Variants in FAM151B observed in about 807,000 individuals in gnomAD.
The protein encoded by FAM151B is protein FAM151B.
FAM151B carries 24 observed loss-of-function variants against 31.2 expected under a neutral mutation model. The observed-to-expected ratio is 0.77, with a 90% CI of 0.56 to 1.08. FAM151B has a LOEUF of 1.08. FAM151B is among the 50% of genes least tolerant of loss of function. FAM151B has a pLI of 0.00. For missense variants in FAM151B, 293 were observed against 328.6 expected (o/e 0.89, Z 0.84); for synonymous variants, 105 against 111.4 (o/e 0.94, Z 0.36).
chr5:80,522,214 T>C (rs1270304093), intron 5 of FAM151B, 76 bp downstream of exon 5: 16 of 1,444,810 alleles, frequency 1.1e-5, no homozygotes, highest in Non-Finnish European at 1.4e-5. Context: ...AAATTGATTA[T>C]TTAAAGACAG....
intron 4 of FAM151B, 59 bp downstream of exon 4, chr5:80,519,969 TA>T: frequency 6.8e-7 from 1 of 1,477,462 alleles, no homozygotes; most frequent in South Asian, 1.2e-5. Context: ...GGTATAAAAA[TA>T]ACATCTTTAA....
intron 2 of FAM151B, among the ~76,000 whole-genome samples, chr5:80,504,981 A>C (rs1580420503): frequency 6.6e-6 from 1 of 152,132 alleles, no homozygotes. Context: ...TGAAAGAACA[A>C]CTTCTCTGTA....
At chr5:80,503,940 G>A (rs907877066) in intron 2 of FAM151B, among the ~76,000 whole-genome samples, 1 of 152,012 alleles carries the variant, frequency 6.6e-6, no homozygotes, top group Non-Finnish European at 1.5e-5. Flanking sequence ...ACTTTTAAAA[G>A]TCTTCTACCC....
At chr5:80,514,117 G>A (rs1415034555) in intron 3 of FAM151B, among the ~76,000 whole-genome samples, 1 of 152,110 alleles carries the variant, frequency 6.6e-6, no homozygotes, top group African/African-American at 2.4e-5. Context: ...TTTGATTTAT[G>A]TTATTATATT....
At position 80,506,121 on chromosome 5, in the gene FAM151B, T is replaced by C. The variant is rs915202804; in HGVS notation, c.151+4204T>C. On this transcript the variant is annotated intron_variant, in intron 2 of 5. Transcript: ENST00000282226. The stretch of plus-strand genomic sequence containing the variant: ...ACAAGCATATGGAAACTGGTTCCAT[T>C]TGTAGCTCCAGGGGTGCATTACAAT... 5 of 985,062 alleles carry C rather than the reference T, an allele frequency of 5.1e-6. No homozygotes were observed. In the East Asian group the frequency reaches 5.7e-4, roughly 112 times the overall value. 61.0% of individuals were successfully genotyped at this position (985,062 alleles called of 1,614,324 possible).
intron 4 of FAM151B, 38 bp from the exon 5 acceptor site, chr5:80,521,965 T>G (rs764607719): frequency 4.8e-6 from 7 of 1,468,604 alleles, no homozygotes; most frequent in Non-Finnish European, 5.6e-6. Context: ...TTTCAAGATT[T>G]CAATCAATAA....
chr5:80,509,577 T>C (rs1744107469), intron 2 of FAM151B, among the ~76,000 whole-genome samples: 1 of 152,158 alleles, frequency 6.6e-6, no homozygotes, highest in Non-Finnish European at 1.5e-5. Flanking sequence ...GGCAACACCC[T>C]AGATTTAAAT....
chr5:80,518,059 G>A (rs576035143), intron 3 of FAM151B, among the ~76,000 whole-genome samples: 411 of 138,228 alleles, frequency 3.0e-3, no homozygotes, highest in African/African-American at 7.8e-3. Flanking sequence ...GTGACAGGGC[G>A]AAACTCCATC....
chr5:80,511,541 A>G (rs896488724), intron 2 of FAM151B, among the ~76,000 whole-genome samples: 1 of 151,102 alleles, frequency 6.6e-6, no homozygotes, highest in Non-Finnish European at 1.5e-5. Flanking sequence ...CCTGTCATCT[A>G]TCCCACTTTT....
At chr5:80,493,107 C>T (rs1580406807) in intron 1 of FAM151B, among the ~76,000 whole-genome samples, 1 of 152,136 alleles carries the variant, frequency 6.6e-6, no homozygotes, top group Non-Finnish European at 1.5e-5. Context: ...CTCCATGGAA[C>T]ACACAAATTA....
chr5:80,512,619 AT>A (rs1395702757), intron 2 of FAM151B, among the ~76,000 whole-genome samples: 3 of 794 alleles, frequency 3.8e-3, no homozygotes, highest in East Asian at 8.4e-3. Flanking sequence ...TACAACAGAT[AT>A]TTTTTAAAAA....
chr5:80,511,229 T>C (rs1744172147), intron 2 of FAM151B: 1 of 152,060 alleles, frequency 6.6e-6, no homozygotes, highest in East Asian at 1.9e-4. Context: ...CTTAGCACTT[T>C]GAGAGGCAGA....
chr5:80,540,051 C>T (rs56373882), intron 5 of FAM151B, among the ~76,000 whole-genome samples: 5,941 of 152,240 alleles, frequency 0.039, 371 homozygotes, highest in African/African-American at 0.13. Context: ...CATGCAGCCT[C>T]CCAGTCAGGA....
chr5:80,511,457 AAAAGG>A, intron 2 of FAM151B, among the ~76,000 whole-genome samples: 1 of 151,028 alleles, frequency 6.6e-6, no homozygotes, highest in Non-Finnish European at 1.5e-5. Context: ...AAAAAAAAAA[AAAAGG>A]AAAGAAGAAA....
chr5:80,492,387 A>G (rs796470054), intron 1 of FAM151B, among the ~76,000 whole-genome samples: 12 of 152,322 alleles, frequency 7.9e-5, no homozygotes, highest in African/African-American at 2.4e-4. Flanking sequence ...GGGGCACCAC[A>G]AAGTCAAACT....
intron 5 of FAM151B, among the ~76,000 whole-genome samples, chr5:80,534,295 A>G (rs1489713784): frequency 2.6e-5 from 4 of 152,184 alleles, no homozygotes; most frequent in East Asian, 1.9e-4. Flanking sequence ...ACAGACAAAG[A>G]CACATTAAAA....
At chr5:80,497,979 A>G (rs1376615446) in intron 1 of FAM151B, among the ~76,000 whole-genome samples, 2 of 152,226 alleles carry the variant, frequency 1.3e-5, no homozygotes, top group East Asian at 3.8e-4. Context: ...GAAATATCCA[A>G]TATGAACCAT....
At chr5:80,503,465 A>G (rs917206406) in intron 2 of FAM151B, among the ~76,000 whole-genome samples, 21 of 152,122 alleles carry the variant, frequency 1.4e-4, no homozygotes, top group Admixed American at 1.2e-3. Context: ...GCTACTCAGG[A>G]AGCTGAGTCA....
At chr5:80,523,858 C>T (rs1179790885) in intron 5 of FAM151B, among the ~76,000 whole-genome samples, 1 of 152,140 alleles carries the variant, frequency 6.6e-6, no homozygotes, top group African/African-American at 2.4e-5. Flanking sequence ...TGATACCAGA[C>T]ACTATTCCAG....
Sources: allele counts gnomAD v4.1 joint callset (sites outside exome capture counted in the v4.1 genomes callset), GRCh38; gene constraint gnomAD v4.1.1; transcripts MANE v1.5; gene names NCBI Gene and HGNC (gene_info 2026-07-23, HGNC 2026-07-21).